Variants in ADGB observed in about 807,000 individuals in gnomAD.
The protein encoded by ADGB is calpain-7-like protein.
A neutral mutation model predicts 210.5 loss-of-function variants in ADGB; 172 were observed. That is an observed-to-expected ratio of 0.82 (90% CI 0.72 to 0.93). The LOEUF is 0.93. Among genes scored for constraint, ADGB ranks in the 40% least tolerant of loss-of-function variants. The pLI is 0.00. For missense variants in ADGB, 2,025 were observed against 1,964.8 expected (o/e 1.03, Z -0.58); for synonymous variants, 658 against 662.7 (o/e 0.99, Z 0.11).
intron 27 of ADGB, among the ~76,000 whole-genome samples, chr6:146,759,981 T>C (rs997303549): frequency 3.3e-5 from 5 of 151,904 alleles, no homozygotes; most frequent in African/African-American, 1.2e-4. Context: ...AGCTGATTTG[T>C]AGAGTCTCAT....
At position 146,642,153 on chromosome 6, in the gene ADGB, A is replaced by T. The variant is rs1266067828; in HGVS notation, c.238-2620A>T. ...CATATATGCAGCCAACAAGCATATG[A>T]AAAAAAGCTCAATATTACTTATTAT... On this transcript the variant is annotated intron_variant, in intron 2 of 35. Coordinates refer to ENST00000397944, the MANE Select transcript of ADGB (RefSeq NM_024694.4). Among the ~76,000 whole-genome samples the T allele has an allele frequency of 2.6e-5, 4 of 151,848 alleles. 1 individual carries two copies. Among genetic ancestry groups the T allele is most frequent in the African/African-American group, 9.7e-5 (4 of 41,390 alleles).
At chr6:146,806,680 C>A (rs901984380) in intron 35 of ADGB, among the ~76,000 whole-genome samples, 3 of 152,198 alleles carry the variant, frequency 2.0e-5, no homozygotes, top group Non-Finnish European at 2.9e-5. Context: ...CTGCTTTAAT[C>A]CTTATTCTTT....
At position 146,607,698 on chromosome 6, in the gene ADGB, G is replaced by A. The variant is rs191536847; in HGVS notation, c.74+8584G>A. ...GCTTATGTGATGAATAATGTTTATT[G>A]ATTTGCTTTTGTTGAACCAACCTTG... On this transcript the variant is annotated intron_variant, in intron 1 of 35. Transcript: ENST00000397944. Among the ~76,000 whole-genome samples, 11 of 152,202 alleles carry A rather than the reference G, an allele frequency of 7.2e-5. No homozygotes were observed. The East Asian group carries it at 1.9e-3, about 27-fold the overall frequency.
intron 27 of ADGB, 93 bp from the exon 28 acceptor site, chr6:146,763,808 T>C: frequency 1.8e-6 from 2 of 1,132,988 alleles, no homozygotes; most frequent in Non-Finnish European, 1.2e-6. Context: ...ACCTATTCCT[T>C]TGAGTGTTTT....
chr6:146,646,565 CAGA>C (rs1775615753), intron 3 of ADGB, among the ~76,000 whole-genome samples: 1 of 151,990 alleles, frequency 6.6e-6, no homozygotes, highest in African/African-American at 2.4e-5. Context: ...AACTTAACAG[CAGA>C]AGGATTAGTT....
intron 33 of ADGB, among the ~76,000 whole-genome samples, chr6:146,799,873 G>T (rs1045032538): frequency 6.6e-6 from 1 of 151,886 alleles, no homozygotes; most frequent in Admixed American, 6.6e-5. Context: ...GCAATGGTGC[G>T]ATCTTGGCTC....
chr6:146,813,630 G>A (rs1043003905), intron 35 of ADGB, among the ~76,000 whole-genome samples: 49 of 132,138 alleles, frequency 3.7e-4, no homozygotes, highest in Non-Finnish European at 6.5e-4. Flanking sequence ...TGTCTGTTTC[G>A]CAAAAGTTTG....
intron 33 of ADGB, among the ~76,000 whole-genome samples, chr6:146,796,066 A>T (rs1327955590): frequency 6.6e-6 from 1 of 152,168 alleles, no homozygotes; most frequent in African/African-American, 2.4e-5. Context: ...AACCAAACTG[A>T]GAAAAAAATC....
intron 1 of ADGB, among the ~76,000 whole-genome samples, chr6:146,632,401 C>T (rs183943676): frequency 1.3e-5 from 2 of 152,220 alleles, no homozygotes; most frequent in East Asian, 3.9e-4. Flanking sequence ...CTCTGAGATC[C>T]CCAGATAATC....
chr6:146,712,455 G>A (rs1297777384), intron 13 of ADGB, among the ~76,000 whole-genome samples: 1 of 151,972 alleles, frequency 6.6e-6, no homozygotes, highest in Non-Finnish European at 1.5e-5. Flanking sequence ...CCAAAGTGCT[G>A]AGATTACAGG....
At chr6:146,788,732 A>C (rs968988335) in intron 33 of ADGB, 122 bp downstream of exon 33, 1 of 926,472 alleles carries the variant, frequency 1.1e-6, no homozygotes, top group African/African-American at 1.7e-5. Flanking sequence ...TCTTTCCGAT[A>C]TATAGATTTT....
intron 12 of ADGB, among the ~76,000 whole-genome samples, chr6:146,696,477 C>T (rs1249601160): frequency 1.3e-5 from 2 of 149,328 alleles, no homozygotes; most frequent in Non-Finnish European, 2.9e-5. Flanking sequence ...TAAATGAGCC[C>T]CCTTATTCCA....
intron 34 of ADGB, 98 bp from the exon 35 acceptor site, chr6:146,801,730 C>A: frequency 9.6e-7 from 1 of 1,041,256 alleles, no homozygotes; most frequent in South Asian, 2.0e-5. Flanking sequence ...CAGACCACCA[C>A]ACTGTTGATA....
chr6:146,672,283 A>C lies in ADGB; in HGVS notation c.903A>C (p.Ser301=), dbSNP rs1776020529. 3.2e-6 allele frequency: 5 copies of C among 1,550,930 alleles called. No individual in the cohort carries two copies. The East Asian group carries it at 1.2e-4, about 38-fold the overall frequency. The change falls in exon 8 of 36, where the codon TCA becomes TCC. Residue 301 remains serine (S), a synonymous_variant. Transcript: ENST00000397944. ...LKEILPEFKL[S]DEASSESKIA... ...AAATATTGCCTGAGTTTAAGCTGTCAGATGAGGCCAGCTCTGAAAGCAAAA... is the reference window on the plus strand; with the variant it reads ...AAATATTGCCTGAGTTTAAGCTGTCCGATGAGGCCAGCTCTGAAAGCAAAA...
At chr6:146,715,528 C>T (rs752959779) in intron 14 of ADGB, 113 bp downstream of exon 14, 13 of 648,486 alleles carry the variant, frequency 2.0e-5, no homozygotes, top group African/African-American at 3.9e-5. Flanking sequence ...TTCAGTGTCT[C>T]CTTTGATTTG....
intron 35 of ADGB, among the ~76,000 whole-genome samples, chr6:146,811,838 AT>A (rs969173041): frequency 3.3e-5 from 5 of 150,610 alleles, no homozygotes; most frequent in Non-Finnish European, 5.9e-5. Flanking sequence ...CGCCTGGCTA[AT>A]TTTTTTTTCT....
At chr6:146,654,108 T>A in intron 3 of ADGB, 27 bp from the exon 4 acceptor site, 1 of 1,258,526 alleles carries the variant, frequency 7.9e-7, no homozygotes, top group Admixed American at 2.1e-5. Flanking sequence ...TCTTATGGAG[T>A]AATATATACA....
At position 146,752,715 on chromosome 6, in the gene ADGB, G is replaced by T; in HGVS notation, c.3550+1G>T. The T allele has an allele frequency of 6.5e-7, 1 of 1,547,456 alleles. No homozygotes were observed. Among genetic ancestry groups the T allele is most frequent in the Non-Finnish European group, 8.7e-7 (1 of 1,145,080 alleles). On this transcript the variant is annotated splice_donor_variant, in intron 27 of 35. Transcript: ENST00000397944. LOFTEE classifies it high-confidence loss of function. ...AGTGAGAAAGGTTTGAGCTCCCAGT[G>T]TAAGTGTACCTTTATGAACAGGATA...
intron 5 of ADGB, among the ~76,000 whole-genome samples, chr6:146,660,786 T>C (rs1271602311): frequency 6.6e-6 from 1 of 152,212 alleles, no homozygotes; most frequent in Non-Finnish European, 1.5e-5. Flanking sequence ...CATCAAAATA[T>C]TTGCAAATTC....
Sources: allele counts gnomAD v4.1 joint callset (sites outside exome capture counted in the v4.1 genomes callset), GRCh38; gene constraint gnomAD v4.1.1; transcripts MANE v1.5; gene names NCBI Gene and HGNC (gene_info 2026-07-23, HGNC 2026-07-21).